Variants in THRB observed in about 807,000 individuals in gnomAD.
THRB encodes the protein thyroid hormone receptor beta, also known as nuclear receptor subfamily 1 group A member 2.
In THRB, 12 loss-of-function variants were observed where a neutral mutation model predicts 47.8. The ratio of observed to expected loss-of-function variants is 0.25; its 90% CI spans 0.16 to 0.41. The LOEUF is 0.41. THRB is among the 10% of genes least tolerant of loss of function. THRB has a pLI of 1.00. For synonymous variants in THRB, 218 were observed against 212.2 expected, an observed-to-expected ratio of 1.03 and a Z score of -0.24; for missense variants, 348 against 589.2, an observed-to-expected ratio of 0.59 and a Z score of 4.24.
At chr3:24,442,551 G>A (rs958764507) in intron 1 of THRB, among the ~76,000 whole-genome samples, 4 of 152,196 alleles carry the variant, frequency 2.6e-5, no homozygotes, top group South Asian at 2.1e-4. Context: ...CTAGCCAGGC[G>A]CAGTGGCTCA....
intron 3 of THRB, among the ~76,000 whole-genome samples, chr3:24,276,505 G>T (rs975603048): frequency 3.9e-5 from 6 of 152,140 alleles, no homozygotes; most frequent in Admixed American, 3.9e-4. Context: ...TCTACATTTT[G>T]TTATCTGCAA....
At chr3:24,302,584 C>T (rs2057023203) in intron 2 of THRB, among the ~76,000 whole-genome samples, 1 of 152,192 alleles carries the variant, frequency 6.6e-6, no homozygotes, top group African/African-American at 2.4e-5. Flanking sequence ...CAGAATTTGT[C>T]ACAAACCTCA....
intron 1 of THRB, among the ~76,000 whole-genome samples, chr3:24,407,127 C>T (rs1168004224): frequency 3.3e-5 from 5 of 151,824 alleles, no homozygotes; most frequent in African/African-American, 4.8e-5. Context: ...GAAGAAAACA[C>T]AGAGCTCAAG....
At chr3:24,219,631 A>G (rs1449663877) in intron 4 of THRB, among the ~76,000 whole-genome samples, 3 of 152,242 alleles carry the variant, frequency 2.0e-5, no homozygotes, top group Non-Finnish European at 4.4e-5. Flanking sequence ...ACCCTAGGTC[A>G]GGTTAGGCCT....
At chr3:24,403,582 G>A (rs1038175217) in intron 1 of THRB, among the ~76,000 whole-genome samples, 4 of 151,974 alleles carry the variant, frequency 2.6e-5, no homozygotes, top group African/African-American at 7.2e-5. Flanking sequence ...TCTGTGGCAC[G>A]AATCAAGGTA....
At chr3:24,236,749 G>T (rs59691607) in intron 3 of THRB, among the ~76,000 whole-genome samples, 1 of 152,078 alleles carries the variant, frequency 6.6e-6, no homozygotes, top group Non-Finnish European at 1.5e-5. Context: ...TAACCTTGCT[G>T]TGGGGAGTAA....
At chr3:24,491,576 A>G (rs1698148233) in intron 1 of THRB, among the ~76,000 whole-genome samples, 1 of 152,234 alleles carries the variant, frequency 6.6e-6, no homozygotes, top group Non-Finnish European at 1.5e-5. Context: ...GCTATCACCA[A>G]GACCTATTTA....
intron 1 of THRB, among the ~76,000 whole-genome samples, chr3:24,473,238 A>G (rs532110079): frequency 6.6e-6 from 1 of 152,234 alleles, no homozygotes; most frequent in East Asian, 1.9e-4. Context: ...CCATTTTGGC[A>G]TATCAATTTT....
At chr3:24,335,398 G>A (rs1295485639) in intron 2 of THRB, among the ~76,000 whole-genome samples, 3 of 152,194 alleles carry the variant, frequency 2.0e-5, no homozygotes, top group African/African-American at 7.2e-5. Flanking sequence ...TCTGCGTAAT[G>A]ACTTTAGACT....
At chr3:24,209,342 T>A (rs561469739) in intron 4 of THRB, among the ~76,000 whole-genome samples, 6 of 152,266 alleles carry the variant, frequency 3.9e-5, no homozygotes, top group African/African-American at 1.4e-4. Flanking sequence ...ACCCAAAGGA[T>A]TATAAATCAT....
intron 8 of THRB, among the ~76,000 whole-genome samples, chr3:24,139,563 T>A (rs1290475211): frequency 6.6e-6 from 1 of 152,088 alleles, no homozygotes; most frequent in African/African-American, 2.4e-5. Context: ...TTTGTTTATT[T>A]TTTGTAGAGA....
chr3:24,472,701 GA>G (rs2125781724), intron 1 of THRB, among the ~76,000 whole-genome samples: 1 of 152,264 alleles, frequency 6.6e-6, no homozygotes, highest in East Asian at 1.9e-4. Flanking sequence ...AAGTAATTGT[GA>G]GCTTCCAGAT....
chr3:24,190,096 T>A lies in THRB; in HGVS notation c.261A>T (p.Gln87His), dbSNP rs143576635. The change falls in exon 5 of 11, where the codon CAA becomes CAT. Residue 87 changes from glutamine (Q) to histidine (H), a missense_variant. By Grantham distance (24) the Gln-to-His change is conservative. Coordinates refer to ENST00000646209, the MANE Select transcript of THRB (RefSeq NM_001354712.2). ...TACCTTTACATTTCTTCTCCTCCGT[T>A]TGGAAGGTCTGGGCACTTGAGACAC... The part of the protein sequence containing the change: ...DQSVSSAQTF[Q>H]TEEKKCKGYI... 2.5e-6 allele frequency: 4 copies of A among 1,614,048 alleles called. No individual in the cohort carries two copies. Among genetic ancestry groups the A allele is most frequent in the Non-Finnish European group, 3.4e-6 (4 of 1,179,910 alleles).
At chr3:24,394,527 C>A (rs2066809162) in intron 1 of THRB, among the ~76,000 whole-genome samples, 1 of 152,048 alleles carries the variant, frequency 6.6e-6, no homozygotes, top group Non-Finnish European at 1.5e-5. Context: ...CTACTTTGGA[C>A]TTTTTGGAGG....
At chr3:24,363,213 C>A (rs1464244398) in intron 1 of THRB, among the ~76,000 whole-genome samples, 1 of 152,150 alleles carries the variant, frequency 6.6e-6, no homozygotes, top group African/African-American at 2.4e-5. Context: ...TCTTAAATCG[C>A]CTAAGACATT....
chr3:24,482,200 C>T (rs1284554173), intron 1 of THRB, among the ~76,000 whole-genome samples: 4 of 152,130 alleles, frequency 2.6e-5, no homozygotes, highest in East Asian at 1.9e-4. Flanking sequence ...TTACTACTTC[C>T]GTAATAATGA....
intron 3 of THRB, among the ~76,000 whole-genome samples, chr3:24,274,896 T>C (rs58116442): frequency 0.01 from 1,541 of 152,354 alleles, 32 homozygotes; most frequent in African/African-American, 0.035. Flanking sequence ...TTTTTTATGT[T>C]GTGTTTTATG....
chr3:24,139,532 G>A (rs547776607), intron 8 of THRB, among the ~76,000 whole-genome samples: 21 of 152,144 alleles, frequency 1.4e-4, no homozygotes, highest in Middle Eastern at 3.4e-3. Context: ...CCACAGGTGA[G>A]TATCACCAAG....
At chr3:24,493,774 T>C (rs1487392343) in intron 1 of THRB, among the ~76,000 whole-genome samples, 1 of 152,150 alleles carries the variant, frequency 6.6e-6, no homozygotes, top group Non-Finnish European at 1.5e-5. Flanking sequence ...TCTCATTTTC[T>C]CCCTCCCCCT....
Sources: gnomAD v4.1 joint callset for allele counts (sites outside exome capture counted in the v4.1 genomes callset) on GRCh38, gnomAD v4.1.1 for gene constraint, MANE v1.5 for transcripts, NCBI Gene and HGNC (gene_info 2026-07-23, HGNC 2026-07-21) for gene names.